PIN1: variants seen among roughly 807,000 people sequenced by gnomAD.
PIN1 encodes peptidyl-prolyl cis-trans isomerase NIMA-interacting 1.
PIN1 carries 8 observed loss-of-function variants against 19.9 expected under a neutral mutation model. The ratio of observed to expected loss-of-function variants is 0.40; its 90% CI spans 0.24 to 0.72. The LOEUF is 0.72. PIN1 is among the 30% of genes least tolerant of loss of function. The pLI, the probability that PIN1 is intolerant of heterozygous loss-of-function variation, is 0.37. For synonymous variants in PIN1, 86 were observed against 90.8 expected, an observed-to-expected ratio of 0.95 and a Z score of 0.30; for missense variants, 185 against 226.5, an observed-to-expected ratio of 0.82 and a Z score of 1.18.
chr19:9,836,697 G>C, intron 1 of PIN1: 1 of 504,206 alleles, frequency 2.0e-6, no homozygotes, highest in Non-Finnish European at 3.5e-6. Context: ...GGGTAACATC[G>C]GGCCACCAGT....
chr19:9,842,681 G>A (rs1398514640), intron 2 of PIN1, among the ~76,000 whole-genome samples: 1 of 152,262 alleles, frequency 6.6e-6, no homozygotes, highest in African/African-American at 2.4e-5. Context: ...GATCTCCTCA[G>A]AGGTCGATAG....
chr19:9,849,482 G>T lies in PIN1; in HGVS notation c.*283G>T, dbSNP rs746329101. 2.9e-6 allele frequency: 2 copies of T among 699,962 alleles called. No individual in the cohort carries two copies. The highest frequency in any genetic ancestry group is 2.7e-5 in the South Asian group (2 of 73,196). 43.4% of individuals were successfully genotyped at this position (699,962 alleles called of 1,614,324 possible). A position where few individuals can be genotyped will look rare whatever the true frequency, so the allele number is the denominator to read the frequency against. On this transcript the variant is annotated 3_prime_UTR_variant, in exon 4 of 4. Transcript: ENST00000247970. ...AGACCCAGGGCAGTGTGGTGGGAGG[G>T]GTGTTCCAAAGAGAAGGCCTGGTCA...
rs1210700660 is a variant in PIN1 at position 9,849,524 on chromosome 19, TC to T, written c.*331del. 4 of 636,578 alleles carry T rather than the reference TC, an allele frequency of 6.3e-6. No individual in the cohort carries two copies. The highest frequency in any genetic ancestry group is 8.9e-6 in the Non-Finnish European group (3 of 335,736). 39.4% of individuals were successfully genotyped at this position (636,578 alleles called of 1,614,324 possible). On this transcript the variant is annotated 3_prime_UTR_variant, in exon 4 of 4. Coordinates refer to ENST00000247970, the MANE Select transcript of PIN1 (RefSeq NM_006221.4). ...GCCTGGTCAGCAGAGCCGCCCCGTGTCCCCCCAGGTGCTGGAGGCAGACTCG... is the reference window on the plus strand; with the variant it reads ...GCCTGGTCAGCAGAGCCGCCCCGTGTCCCCCAGGTGCTGGAGGCAGACTCG...
At chr19:9,848,366 C>G (rs1009193075) in intron 3 of PIN1, 1 of 562,506 alleles carries the variant, frequency 1.8e-6, no homozygotes, top group Non-Finnish European at 3.2e-6. Flanking sequence ...CATCTCTACC[C>G]TGGGGGGCAT....
Position 9,838,580 on chromosome 19 carries a change from G to C in PIN1, c.203G>C (p.Arg68Pro). 1 of 1,564,400 alleles carries C rather than the reference G, an allele frequency of 6.4e-7. No homozygotes were observed. The highest frequency in any genetic ancestry group is 8.7e-7 in the Non-Finnish European group (1 of 1,154,768). The change falls in exon 2 of 4, where the codon CGG becomes CCG. Residue 68 changes from arginine (R) to proline (P), a missense_variant. Physicochemically the swap from Arg to Pro is moderately radical, Grantham distance 103. Coordinates refer to ENST00000247970, the MANE Select transcript of PIN1 (RefSeq NM_006221.4). This position sits in a 1 kb window ranked among gnomAD's most constrained non-coding sequence, Gnocchi z 5.8. ...CTGCTGGTGAAGCACAGCCAGTCAC[G>C]GCGGCCCTCGTCCTGGCGGCAGGAG... ...SHLLVKHSQS[R>P]RPSSWRQEKI...
chr19:9,839,571 T>C (rs1032721705), intron 2 of PIN1, among the ~76,000 whole-genome samples: 6 of 152,226 alleles, frequency 3.9e-5, no homozygotes, highest in African/African-American at 1.4e-4. Context: ...TATTTTAGGT[T>C]TTGTGGGCCA....
chr19:9,849,054 A>G, intron 3 of PIN1, 36 bp from the exon 4 acceptor site: 1 of 1,435,910 alleles, frequency 7.0e-7, no homozygotes, highest in Non-Finnish European at 9.8e-7. Context: ...CTGCCAGCCC[A>G]GCCCTGACAC....
chr19:9,848,251 C>A (rs2046241845), intron 3 of PIN1, 111 bp downstream of exon 3: 6 of 699,040 alleles, frequency 8.6e-6, no homozygotes, highest in Admixed American at 8.2e-5. Flanking sequence ...CCTTCGGGGT[C>A]CAGCAGGTGG....
In PIN1 at chr19:9,842,366, G is replaced by A. The variant is rs1388709620; in HGVS notation, c.271+3718G>A. ...CAGCTGTGTGGTCTTCATTTCCTGA[G>A]CCTCAGTTGCCTCATCTGTAGAATG... On this transcript the variant is annotated intron_variant, in intron 2 of 3. Coordinates refer to ENST00000247970, the MANE Select transcript of PIN1 (RefSeq NM_006221.4). 2.0e-5 allele frequency among the ~76,000 whole-genome samples: 3 copies of A among 152,310 alleles called. No homozygotes were observed. The East Asian group carries it at 5.8e-4, about 29-fold the overall frequency.
rs1481468405 is a variant in PIN1 at position 9,848,010 on chromosome 19, A to G, written c.272-20A>G. On this transcript the variant is annotated intron_variant, in intron 2 of 3. Coordinates refer to ENST00000247970, the MANE Select transcript of PIN1 (RefSeq NM_006221.4). Reference sequence around the variant, plus strand: ...CCCCAACCCCTGACCTGGCACTCCCATTCCGTTCCATGTCCACAGGCTACA... The same window carrying G: ...CCCCAACCCCTGACCTGGCACTCCCGTTCCGTTCCATGTCCACAGGCTACA... 1 of 1,524,176 alleles carries G rather than the reference A, an allele frequency of 6.6e-7. No homozygotes were observed. The highest frequency in any genetic ancestry group is 1.4e-5 in the African/African-American group (1 of 72,968). 94.4% of individuals were successfully genotyped at this position (1,524,176 alleles called of 1,614,324 possible). A position where few individuals can be genotyped will look rare whatever the true frequency, so the allele number is the denominator to read the frequency against.
At chr19:9,836,277 G>A (rs2046103644) in intron 1 of PIN1, 1 of 152,974 alleles carries the variant, frequency 6.5e-6, no homozygotes, top group South Asian at 2.0e-4. Flanking sequence ...AGGTTCTGGT[G>A]AACTGTTTGG....
chr19:9,840,312 G>A (rs1223063371), intron 2 of PIN1, among the ~76,000 whole-genome samples: 5 of 152,146 alleles, frequency 3.3e-5, no homozygotes, highest in East Asian at 1.9e-4. Context: ...GCATGAACCC[G>A]GGAGGTGGAG....
intron 3 of PIN1, 62 bp downstream of exon 3, chr19:9,848,202 A>C (rs2010457): frequency 1.0e-6 from 1 of 1,001,320 alleles, no homozygotes. Context: ...GGTAGAGGCC[A>C]GGAGGGTCTG....
Position 9,846,581 on chromosome 19 carries a change from A to G in PIN1, c.272-1449A>G, listed in dbSNP as rs1316501873. Reference sequence around the variant, plus strand: ...GTGGTACCATTTCCACTGCAGTCCCAAGCAGGTTAGAGCGTGAGGCCGAGG... The same window carrying G: ...GTGGTACCATTTCCACTGCAGTCCCGAGCAGGTTAGAGCGTGAGGCCGAGG... On this transcript the variant is annotated intron_variant, in intron 2 of 3. Coordinates refer to ENST00000247970, the MANE Select transcript of PIN1 (RefSeq NM_006221.4). The surrounding 1 kb of genome is among the most constrained non-coding windows in gnomAD (Gnocchi z 5.9). Among the ~76,000 whole-genome samples, 22 of 152,082 alleles carry G rather than the reference A, an allele frequency of 1.4e-4. No individual in the cohort carries two copies. The highest frequency in any genetic ancestry group is 1.4e-3 in the Admixed American group (22 of 15,278).
intron 2 of PIN1, among the ~76,000 whole-genome samples, chr19:9,845,948 G>A (rs564387708): frequency 6.6e-6 from 1 of 152,258 alleles, no homozygotes; most frequent in African/African-American, 2.4e-5. Flanking sequence ...GGGTACCTCT[G>A]GGGGCACCGT....
chr19:9,839,383 T>C (rs1268361784), intron 2 of PIN1, among the ~76,000 whole-genome samples: 1 of 137,392 alleles, frequency 7.3e-6, no homozygotes, highest in Non-Finnish European at 1.5e-5. Flanking sequence ...ACCACTCCAC[T>C]CCAGCCTGGG....
chr19:9,847,191 C>A (rs573886386), intron 2 of PIN1, among the ~76,000 whole-genome samples: 2 of 152,288 alleles, frequency 1.3e-5, no homozygotes, highest in South Asian at 4.1e-4. Flanking sequence ...CACACACACG[C>A]AGCCCTCCCC....
chr19:9,836,157 A>G (rs373205603), intron 1 of PIN1: 11 of 152,210 alleles, frequency 7.2e-5, no homozygotes, highest in African/African-American at 2.2e-4. Context: ...TGTCACTGCA[A>G]ACTCCTGAGG....
At chr19:9,837,030 C>T (rs2046114288) in intron 1 of PIN1, 8 of 427,234 alleles carry the variant, frequency 1.9e-5, no homozygotes, top group Admixed American at 7.6e-5. Context: ...CTGTGTGGCT[C>T]AGGCTGCAGT....
Sources: allele counts gnomAD v4.1 joint callset (sites outside exome capture counted in the v4.1 genomes callset), GRCh38; gene constraint gnomAD v4.1.1; non-coding constraint Gnocchi (gnomAD v3.1); transcripts MANE v1.5; gene names NCBI Gene and HGNC (gene_info 2026-07-23, HGNC 2026-07-21).